The following GM2A variants were observed in gnomAD, a reference collection of about 807,000 sequenced individuals.
The protein encoded by GM2A is ganglioside GM2 activator.
In GM2A, 7 loss-of-function variants were observed where a neutral mutation model predicts 12.9. That is an observed-to-expected ratio of 0.54 (90% CI 0.31 to 1.02). GM2A has a LOEUF of 1.02. Ranked by LOEUF, GM2A falls within the 50% of genes least tolerant of loss-of-function variation. The pLI is 0.05. For missense variants in GM2A, 246 were observed against 241.0 expected (o/e 1.02, Z -0.14); for synonymous variants, 101 against 96.0 (o/e 1.05, Z -0.30).
At position 151,267,677 on chromosome 5, in the gene GM2A, C is replaced by CGTCTGCTGGGCTG; in HGVS notation, c.*226_*227insGTCTGCTGGGCTG. On this transcript the variant is annotated 3_prime_UTR_variant, in exon 4 of 4. Coordinates refer to ENST00000357164, the MANE Select transcript of GM2A (RefSeq NM_000405.5). ...TTGGACAGTTCTTGATAGCCCAGGG[C>CGTCTGCTGGGCTG]ATCTGCTGGGCTGACCACGTTACTC... 6.7e-7 allele frequency: 1 copy of CGTCTGCTGGGCTG among 1,486,820 alleles called. No homozygotes were observed. 92.1% of individuals were successfully genotyped at this position (1,486,820 alleles called of 1,614,324 possible). A position where few individuals can be genotyped will look rare whatever the true frequency, so the allele number is the denominator to read the frequency against.
Position 151,268,540 on chromosome 5 carries a change from T to C in GM2A, c.*1089T>C. The C allele has an allele frequency of 1.1e-5, 11 of 985,420 alleles. No homozygotes were observed. Among genetic ancestry groups the C allele is most frequent in the Non-Finnish European group, 1.3e-5 (11 of 829,894 alleles). The allele number at this position is 985,420 out of a possible 1,614,324, so 61.0% of individuals were successfully genotyped here. A position where few individuals can be genotyped will look rare whatever the true frequency, so the allele number is the denominator to read the frequency against. ...GCACATGTGCCCATTGATACAAGGC[T>C]GCTGAGGCCTGGTCTCCAGTTGGAA... On this transcript the variant is annotated 3_prime_UTR_variant, in exon 4 of 4. Coordinates refer to ENST00000357164, the MANE Select transcript of GM2A (RefSeq NM_000405.5).
chr5:151,267,271 T>C (rs1406457938), intron 3 of GM2A, 25 bp from the exon 4 acceptor site: 3 of 1,614,164 alleles, frequency 1.9e-6, no homozygotes, highest in Non-Finnish European at 2.5e-6. Flanking sequence ...TCCCACTGAC[T>C]GGCGGTCCAC....
rs1159983517 is a variant in GM2A, at chr5:151,268,151, C to T, written c.*700C>T. 32 of 945,732 alleles carry T rather than the reference C, an allele frequency of 3.4e-5. No individual in the cohort carries two copies. Among genetic ancestry groups the T allele is most frequent in the Admixed American group, 9.0e-5 (1 of 11,088 alleles). The allele number at this position is 945,732 out of a possible 1,614,324, so 58.6% of individuals were successfully genotyped here. A position where few individuals can be genotyped will look rare whatever the true frequency, so the allele number is the denominator to read the frequency against. On this transcript the variant is annotated 3_prime_UTR_variant, in exon 4 of 4. Transcript: ENST00000357164. ...AACATGTTGCTTCCAGGCTTGATTT[C>T]GATTTTTCGCTTTTTTTTTTTTTGA...
In GM2A at chr5:151,269,890, A is replaced by G. The variant is rs1753974760; in HGVS notation, c.*2439A>G. On this transcript the variant is annotated 3_prime_UTR_variant, in exon 4 of 4. Transcript: ENST00000357164. ...TTCAAACCTATACTGTTGTTGGTGAATTCTTTTTACCAACCCACGAGTTGA... is the reference window on the plus strand; with the variant it reads ...TTCAAACCTATACTGTTGTTGGTGAGTTCTTTTTACCAACCCACGAGTTGA... 1.2e-6 allele frequency: 1 copy of G among 859,318 alleles called. No individual in the cohort carries two copies. Among genetic ancestry groups the G allele is most frequent in the Non-Finnish European group, 1.5e-6 (1 of 676,536 alleles). The allele number at this position is 859,318 out of a possible 1,614,324, so 53.2% of individuals were successfully genotyped here.
At position 151,269,056 on chromosome 5, in the gene GM2A, G is replaced by A. The variant is rs1753956774; in HGVS notation, c.*1605G>A. ...CCTGTTGGGTGAATGAGGCAGATGG[G>A]AAAGAGCCTCACCAGCAGCTGCTTT... On this transcript the variant is annotated 3_prime_UTR_variant, in exon 4 of 4. Transcript: ENST00000357164. 3.0e-6 allele frequency: 3 copies of A among 985,326 alleles called. No homozygotes were observed. Among genetic ancestry groups the A allele is most frequent in the Admixed American group, 6.1e-5 (1 of 16,266 alleles). 61.0% of individuals were successfully genotyped at this position (985,326 alleles called of 1,614,324 possible). A position where few individuals can be genotyped will look rare whatever the true frequency, so the allele number is the denominator to read the frequency against.
chr5:151,267,160 G>T (rs1352096792), intron 3 of GM2A, 136 bp from the exon 4 acceptor site: 2 of 1,112,924 alleles, frequency 1.8e-6, no homozygotes, highest in African/African-American at 1.5e-5. Context: ...TGCTATGGCC[G>T]TCTCTCATCT....
chr5:151,254,410 C>T (rs535003969), intron 1 of GM2A, among the ~76,000 whole-genome samples: 29 of 152,122 alleles, frequency 1.9e-4, no homozygotes, highest in Admixed American at 7.9e-4. Flanking sequence ...TGCAGTGGGG[C>T]GATTGTAGCT....
Position 151,267,677 on chromosome 5 carries a change from C to G in GM2A, c.*226C>G. On this transcript the variant is annotated 3_prime_UTR_variant, in exon 4 of 4. Coordinates refer to ENST00000357164, the MANE Select transcript of GM2A (RefSeq NM_000405.5). ...TTGGACAGTTCTTGATAGCCCAGGGCATCTGCTGGGCTGACCACGTTACTC... is the reference window on the plus strand; with the variant it reads ...TTGGACAGTTCTTGATAGCCCAGGGGATCTGCTGGGCTGACCACGTTACTC... 1 of 1,486,820 alleles carries G rather than the reference C, an allele frequency of 6.7e-7. No homozygotes were observed. The highest frequency in any genetic ancestry group is 1.2e-5 in the South Asian group (1 of 82,352). 92.1% of individuals were successfully genotyped at this position (1,486,820 alleles called of 1,614,324 possible).
At position 151,267,633 on chromosome 5, in the gene GM2A, T is replaced by C. The variant is rs1405240376; in HGVS notation, c.*182T>C. The C allele has an allele frequency of 6.6e-7, 1 of 1,516,690 alleles. No individual in the cohort carries two copies. Among genetic ancestry groups the C allele is most frequent in the Admixed American group, 2.0e-5 (1 of 50,330 alleles). The allele number at this position is 1,516,690 out of a possible 1,614,324, so 94.0% of individuals were successfully genotyped here. ...CATTTTAGGCTGGGGCAAGCAGCCC[T>C]GACCTAAGGGAGAATGAGTTGGACA... On this transcript the variant is annotated 3_prime_UTR_variant, in exon 4 of 4. Coordinates refer to ENST00000357164, the MANE Select transcript of GM2A (RefSeq NM_000405.5).
In GM2A at chr5:151,267,419, A is replaced by T. The variant is rs1408232503; in HGVS notation, c.550A>T (p.Ile184Phe). Residue 184 changes from isoleucine (I) to phenylalanine (F), a missense_variant, in exon 4 of 4, where the codon ATC (isoleucine) becomes TTC (phenylalanine). By Grantham distance (21) the Ile-to-Phe change is conservative (BLOSUM62 0). Transcript: ENST00000357164. ...LSSSGKRLGC[I>F]KIAASLKGI ...CAGCAGTGGGAAGCGTCTGGGCTGC[A>T]TCAAGATCGCTGCCTCTCTAAAGGG... 6.2e-7 allele frequency: 1 copy of T among 1,614,188 alleles called. No individual in the cohort carries two copies. The highest frequency in any genetic ancestry group is 8.5e-7 in the Non-Finnish European group (1 of 1,180,022).
Position 151,253,239 on chromosome 5 carries a change from C to A in GM2A, c.23C>A (p.Pro8His), listed in dbSNP as rs1314350384. ...CCGATGCAGTCCCTGATGCAGGCTC[C>A]CCTCCTGATCGCCCTGGGCTTGCTT... Reference protein sequence around the residue: MQSLMQAPLLIALGLLLA... With the variant: MQSLMQAHLLIALGLLLA... Residue 8 changes from proline to histidine, a missense_variant, in exon 1 of 4, where the codon CCC (proline) becomes CAC (histidine). Transcript: ENST00000357164. 1 of 1,614,056 alleles carries A rather than the reference C, an allele frequency of 6.2e-7. No homozygotes were observed. Among genetic ancestry groups the A allele is most frequent in the Non-Finnish European group, 8.5e-7 (1 of 1,179,928 alleles).
chr5:151,253,761 C>CA (rs1486930255), intron 1 of GM2A, among the ~76,000 whole-genome samples: 1 of 152,130 alleles, frequency 6.6e-6, no homozygotes, highest in African/African-American at 2.4e-5. Flanking sequence ...CAGATTTGCC[C>CA]ATCTGGTGAC....
Position 151,270,077 on chromosome 5 carries a change from C to G in GM2A, c.*2626C>G. On this transcript the variant is annotated 3_prime_UTR_variant, in exon 4 of 4. Coordinates refer to ENST00000357164, the MANE Select transcript of GM2A (RefSeq NM_000405.5). ...TTAATCTTTTTATGTCTGCTCTGCT[C>G]TTGGGTCATATGTTCCGTGAGGTTT... 8.1e-7 allele frequency: 1 copy of G among 1,230,836 alleles called. No individual in the cohort carries two copies. Among genetic ancestry groups the G allele is most frequent in the Non-Finnish European group, 1.0e-6 (1 of 987,868 alleles). 76.2% of individuals were successfully genotyped at this position (1,230,836 alleles called of 1,614,324 possible). A position where few individuals can be genotyped will look rare whatever the true frequency, so the allele number is the denominator to read the frequency against.
At position 151,259,638 on chromosome 5, in the gene GM2A, A is replaced by G. The variant is rs185826297; in HGVS notation, c.82-117A>G. On this transcript the variant is annotated intron_variant, in intron 1 of 3. Transcript: ENST00000357164. The stretch of plus-strand genomic sequence containing the variant: ...GGAGTCTCATAGATGAGGCTCAGGG[A>G]CGGGGGTGCCTCACCCAAGGTCACT... 2,720 of 830,556 alleles carry G rather than the reference A, an allele frequency of 3.3e-3. 17 individuals carry two copies. The highest frequency in any genetic ancestry group is 2.4e-3 in the Non-Finnish European group (1,204 of 493,106). The allele number at this position is 830,556 out of a possible 1,614,324, so 51.4% of individuals were successfully genotyped here.
intron 1 of GM2A, among the ~76,000 whole-genome samples, chr5:151,257,283 C>A (rs1212345685): frequency 4.6e-5 from 7 of 152,096 alleles, no homozygotes; most frequent in Non-Finnish European, 1.0e-4. Flanking sequence ...CAGAATTTGT[C>A]ACTACAGAGA....
chr5:151,263,089 C>CTTTT (rs869289721), intron 2 of GM2A, among the ~76,000 whole-genome samples: 19 of 119,520 alleles, frequency 1.6e-4, no homozygotes, highest in East Asian at 2.5e-4. Context: ...TCCCCAATTT[C>CTTTT]TTTTTTTTTT....
intron 2 of GM2A, among the ~76,000 whole-genome samples, chr5:151,261,001 T>A (rs1203810334): frequency 2.0e-5 from 3 of 149,228 alleles, no homozygotes; most frequent in African/African-American, 4.9e-5. Context: ...AATTTTTTTT[T>A]ATCCAATCAT....
At chr5:151,266,986 A>G in intron 3 of GM2A, 73 bp downstream of exon 3, 1 of 1,193,846 alleles carries the variant, frequency 8.4e-7, no homozygotes, top group Admixed American at 1.7e-5. Context: ...GGGTCTTTGC[A>G]TTCTCCTTCT....
Position 151,270,431 on chromosome 5 carries a change from A to G in GM2A, c.*2980A>G, listed in dbSNP as rs952372435. On this transcript the variant is annotated 3_prime_UTR_variant, in exon 4 of 4. Coordinates refer to ENST00000357164, the MANE Select transcript of GM2A (RefSeq NM_000405.5). ...GGAGAAAAATTTATCCAGCCTATAT[A>G]ATAGACAAACAGTTAGTGTTCTTAC... 3 of 398,314 alleles carry G rather than the reference A, an allele frequency of 7.5e-6. No homozygotes were observed. The highest frequency in any genetic ancestry group is 1.3e-5 in the Non-Finnish European group (3 of 226,042). The allele number at this position is 398,314 out of a possible 1,614,324, so 24.7% of individuals were successfully genotyped here. A position where few individuals can be genotyped will look rare whatever the true frequency, so the allele number is the denominator to read the frequency against.
Sources: allele counts gnomAD v4.1 joint callset (sites outside exome capture counted in the v4.1 genomes callset), GRCh38; gene constraint gnomAD v4.1.1; transcripts MANE v1.5; gene names NCBI Gene and HGNC (gene_info 2026-07-23, HGNC 2026-07-21).